Variants in CLEC12A observed in about 807,000 individuals in gnomAD.
CLEC12A encodes the protein C-type lectin domain family 12 member A, also known as C-type lectin protein CLL-1.
In CLEC12A, 22 loss-of-function variants were observed where a neutral mutation model predicts 26.5. The observed-to-expected ratio is 0.83, with a 90% confidence interval of 0.59 to 1.19. The LOEUF (loss-of-function observed/expected upper bound fraction) is 1.19, where lower values mean the gene tolerates loss of function less well. Among genes scored for constraint, CLEC12A ranks in the 50% most tolerant of loss-of-function variants. The pLI is 0.00. For synonymous variants in CLEC12A, 119 were observed against 101.9 expected (o/e 1.17, Z -1.01); for missense variants, 353 against 315.6 (o/e 1.12, Z -0.90).
chr12:9,968,596 G>C (rs1437050282), upstream of CLEC12A, among the ~76,000 whole-genome samples: 1 of 152,150 alleles, frequency 6.6e-6, no homozygotes, highest in African/African-American at 2.4e-5. Context: ...AATGTCATCA[G>C]TTAACGCAGG....
chr12:9,985,542 C>A lies in CLEC12A; in HGVS notation c.*516C>A, dbSNP rs575794099. 2.5e-6 allele frequency: 1 copy of A among 398,490 alleles called. No individual in the cohort carries two copies. The highest frequency in any genetic ancestry group is 3.6e-5 in the East Asian group (1 of 28,064). 24.7% of individuals were successfully genotyped at this position (398,490 alleles called of 1,614,324 possible). ...AATGGATATGGACATGCATTTATTA[C>A]CTCTTAAAATTATTATTTTAAGTAA... On this transcript the variant is annotated 3_prime_UTR_variant, in exon 6 of 6. Coordinates refer to ENST00000304361, the MANE Select transcript of CLEC12A (RefSeq NM_138337.6).
chr12:9,978,895 A>G, intron 1 of CLEC12A, 71 bp from the exon 2 acceptor site: 1 of 1,060,224 alleles, frequency 9.4e-7, no homozygotes, highest in Non-Finnish European at 1.5e-6. Context: ...GAATGAATGA[A>G]TGAATGAGTA....
intron 1 of CLEC12A, among the ~76,000 whole-genome samples, chr12:9,965,924 G>A (rs1285231742): frequency 1.3e-5 from 2 of 152,056 alleles, no homozygotes; most frequent in Non-Finnish European, 2.9e-5. Context: ...GGTTAAGGTG[G>A]GGAGATACAA....
chr12:9,985,943 AG>A (rs1864755497), downstream of CLEC12A: 1 of 167,520 alleles, frequency 6.0e-6, no homozygotes, highest in Non-Finnish European at 1.3e-5. Context: ...CTTGATTTGG[AG>A]GTTTGACCTT....
chr12:9,997,308 T>A (rs746734460), downstream of CLEC12A: 10 of 1,581,746 alleles, frequency 6.3e-6, no homozygotes, highest in Admixed American at 1.4e-4. Context: ...TAATAATAAT[T>A]TGTAATTAGA....
chr12:9,998,967 G>A (rs1865119788), downstream of CLEC12A: 8 of 910,962 alleles, frequency 8.8e-6, no homozygotes, highest in Non-Finnish European at 1.4e-5. Context: ...ATCAATAGTA[G>A]AAAAAGAAAG....
intron 1 of CLEC12A, among the ~76,000 whole-genome samples, chr12:9,976,047 T>C (rs889076800): frequency 2.0e-5 from 3 of 152,170 alleles, no homozygotes; most frequent in South Asian, 2.1e-4. Flanking sequence ...AGAGGATGTA[T>C]GGAAATGCCT....
At chr12:9,955,910 TG>T (rs1329312033) in intron 1 of CLEC12A, among the ~76,000 whole-genome samples, 1 of 152,152 alleles carries the variant, frequency 6.6e-6, no homozygotes, top group Admixed American at 6.5e-5. Flanking sequence ...AGGAAAACGT[TG>T]CTTCTCTAGA....
upstream of CLEC12A, among the ~76,000 whole-genome samples, chr12:9,970,836 G>A (rs543765289): frequency 1.1e-4 from 16 of 152,204 alleles, 1 homozygote; most frequent in African/African-American, 3.6e-4. Context: ...TAATATATAG[G>A]TTGGCGCTAA....
downstream of CLEC12A, among the ~76,000 whole-genome samples, chr12:9,996,465 G>A (rs1037698020): frequency 3.9e-5 from 6 of 152,254 alleles, no homozygotes; most frequent in South Asian, 1.2e-3. Flanking sequence ...GGAAAGAAAA[G>A]CTAATTTATG....
the CLEC12A span, among the ~76,000 whole-genome samples, chr12:10,004,435 G>T: frequency 1.3e-5 from 2 of 152,124 alleles, no homozygotes; most frequent in Non-Finnish European, 2.9e-5. Flanking sequence ...GAAATGGGAA[G>T]GTGATCTTCC....
chr12:9,969,822 C>T (rs1225777978), upstream of CLEC12A, among the ~76,000 whole-genome samples: 3 of 152,224 alleles, frequency 2.0e-5, no homozygotes, highest in Non-Finnish European at 4.4e-5. Flanking sequence ...AGCCTGTGCA[C>T]ATATTTGAAC....
chr12:9,967,232 G>A (rs1863981888), upstream of CLEC12A, among the ~76,000 whole-genome samples: 1 of 151,760 alleles, frequency 6.6e-6, no homozygotes, highest in Admixed American at 6.6e-5. Flanking sequence ...ACAGGCGGGA[G>A]GGAAAGAAGG....
At chr12:9,976,178 C>T (rs1864327136) in intron 1 of CLEC12A, among the ~76,000 whole-genome samples, 1 of 152,204 alleles carries the variant, frequency 6.6e-6, no homozygotes, top group South Asian at 2.1e-4. Context: ...GGGGTACTGT[C>T]CAGTGGAGCA....
At chr12:9,990,693 GGACT>G (rs1390695474) in intron 4 of CLEC12A, among the ~76,000 whole-genome samples, 2 of 152,252 alleles carry the variant, frequency 1.3e-5, no homozygotes, top group East Asian at 1.9e-4. Flanking sequence ...GGATTTGAGA[GGACT>G]GACTTCAATT....
intron 1 of CLEC12A, among the ~76,000 whole-genome samples, chr12:9,974,630 C>G (rs1864259448): frequency 6.6e-6 from 1 of 152,158 alleles, no homozygotes; most frequent in Non-Finnish European, 1.5e-5. Context: ...AGTGTTTTCT[C>G]TGTGCCAGTT....
chr12:9,968,473 C>G (rs185612837), upstream of CLEC12A, among the ~76,000 whole-genome samples: 1 of 151,962 alleles, frequency 6.6e-6, no homozygotes, highest in African/African-American at 2.4e-5. Flanking sequence ...GTGGGGGTAA[C>G]AAGGTGCTCA....
intron 1 of CLEC12A, among the ~76,000 whole-genome samples, chr12:9,961,124 C>T (rs984486875): frequency 1.3e-5 from 2 of 152,086 alleles, no homozygotes; most frequent in Non-Finnish European, 2.9e-5. Flanking sequence ...ATCTAAAGGT[C>T]TGGAATCAAT....
downstream of CLEC12A, among the ~76,000 whole-genome samples, chr12:9,989,841 G>C (rs1334511642): frequency 6.6e-6 from 1 of 152,048 alleles, no homozygotes; most frequent in African/African-American, 2.4e-5. Flanking sequence ...TCTTGTTAGG[G>C]ACTAATGCAG....
Sources: gnomAD v4.1 joint callset for allele counts (sites outside exome capture counted in the v4.1 genomes callset) on GRCh38, gnomAD v4.1.1 for gene constraint, MANE v1.5 for transcripts, NCBI Gene and HGNC (gene_info 2026-07-23, HGNC 2026-07-21) for gene names.